Variants in HTR4 observed in about 807,000 individuals in gnomAD.
HTR4 encodes the protein 5-hydroxytryptamine receptor 4.
HTR4 carries 16 observed loss-of-function variants against 36.8 expected under a neutral mutation model. The ratio of observed to expected loss-of-function variants is 0.43; its 90% CI spans 0.29 to 0.66. The LOEUF is 0.66. HTR4 is among the 30% of genes least tolerant of loss of function. HTR4 has a pLI of 0.13. For synonymous variants in HTR4, 189 were observed against 185.1 expected, an observed-to-expected ratio of 1.02 and a Z score of -0.17; for missense variants, 438 against 490.9, an observed-to-expected ratio of 0.89 and a Z score of 1.02.
At chr5:148,489,226 C>T (rs1036429539) in intron 6 of HTR4, among the ~76,000 whole-genome samples, 1 of 152,202 alleles carries the variant, frequency 6.6e-6, no homozygotes, top group Non-Finnish European at 1.5e-5. Context: ...ATAAACTTCA[C>T]AATAATCCTA....
rs180672790 is a variant in HTR4, at chr5:148,533,772, T to C, written c.354-10426A>G. 2.0e-5 allele frequency among the ~76,000 whole-genome samples: 3 copies of C among 152,358 alleles called. No homozygotes were observed. The East Asian group carries it at 5.8e-4, about 29-fold the overall frequency. ...AGTTTCTTCATCTTTAAAGTTAGAA[T>C]AATTATGTCAACCTCCAATTATGCC... On this transcript the variant is annotated intron_variant, in intron 4 of 6. Coordinates refer to ENST00000377888, the MANE Select transcript of HTR4 (RefSeq NM_000870.7).
At chr5:148,577,891 G>T (rs548124135) in intron 2 of HTR4, among the ~76,000 whole-genome samples, 2 of 152,000 alleles carry the variant, frequency 1.3e-5, no homozygotes, top group African/African-American at 4.8e-5. Flanking sequence ...TCTGGGTGAT[G>T]AAATAATCTG....
intron 2 of HTR4, among the ~76,000 whole-genome samples, chr5:148,615,460 C>T (rs879898786): frequency 7.1e-6 from 1 of 140,872 alleles, no homozygotes; most frequent in African/African-American, 2.7e-5. Flanking sequence ...TATTCTCACT[C>T]ATAGGTGGGA....
chr5:148,538,896 C>A (rs1469355449), intron 4 of HTR4, among the ~76,000 whole-genome samples: 1 of 151,526 alleles, frequency 6.6e-6, no homozygotes. Context: ...AATATGGAAC[C>A]AAAAAAAAGC....
In HTR4 at chr5:148,483,183, T is replaced by C; in HGVS notation, c.*20A>G. On this transcript the variant is annotated 3_prime_UTR_variant, in exon 7 of 7. Transcript: ENST00000377888. ...CTCTTTCGGAGGCATGGCTGTCTTCTGGGTCATTGTCCCAGGGGCCTAAGT... is the reference window on the plus strand; with the variant it reads ...CTCTTTCGGAGGCATGGCTGTCTTCCGGGTCATTGTCCCAGGGGCCTAAGT... 3.1e-6 allele frequency: 5 copies of C among 1,613,944 alleles called. No individual in the cohort carries two copies. The highest frequency in any genetic ancestry group is 4.2e-6 in the Non-Finnish European group (5 of 1,179,878).
chr5:148,540,422 AT>A (rs1561606466), intron 4 of HTR4, among the ~76,000 whole-genome samples: 1 of 134,510 alleles, frequency 7.4e-6, no homozygotes, highest in East Asian at 2.1e-4. Flanking sequence ...ATATATATAT[AT>A]ATATATATAT....
chr5:148,592,825 ACTACC>A, intron 2 of HTR4, among the ~76,000 whole-genome samples: 1 of 152,206 alleles, frequency 6.6e-6, no homozygotes, highest in Non-Finnish European at 1.5e-5. Flanking sequence ...TTATCTCTGT[ACTACC>A]ACTTTGCTAA....
chr5:148,524,864 A>G (rs927157217), intron 4 of HTR4, among the ~76,000 whole-genome samples: 1 of 152,168 alleles, frequency 6.6e-6, no homozygotes, highest in Non-Finnish European at 1.5e-5. Flanking sequence ...AAGAGGTGGT[A>G]GTAGGATGGG....
At chr5:148,452,892 G>C (rs1207466464) in intron 5 of HTR4, among the ~76,000 whole-genome samples, 1 of 152,236 alleles carries the variant, frequency 6.6e-6, no homozygotes, top group African/African-American at 2.4e-5. Flanking sequence ...CAAGACCTTA[G>C]GGAAGCTAGA....
At chr5:148,564,244 C>T (rs897152271) in intron 2 of HTR4, among the ~76,000 whole-genome samples, 2 of 152,146 alleles carry the variant, frequency 1.3e-5, no homozygotes, top group Non-Finnish European at 2.9e-5. Context: ...AAACTCCTTC[C>T]TCTCCTTCCC....
intron 2 of HTR4, among the ~76,000 whole-genome samples, chr5:148,576,122 A>AAACAACAAC (rs1299038416): frequency 7.2e-6 from 1 of 138,788 alleles, no homozygotes; most frequent in African/African-American, 2.5e-5. Context: ...AAAAAAAAAA[A>AAACAACAAC]AAAAAAAAAA....
intron 2 of HTR4, among the ~76,000 whole-genome samples, chr5:148,555,014 T>A (rs1476928912): frequency 6.6e-6 from 1 of 151,790 alleles, no homozygotes; most frequent in African/African-American, 2.4e-5. Flanking sequence ...CACTAAATTA[T>A]ATGCTTAAAA....
intron 1 of HTR4, among the ~76,000 whole-genome samples, chr5:148,639,128 C>A (rs1753645913): frequency 6.6e-6 from 1 of 152,032 alleles, no homozygotes; most frequent in Admixed American, 6.6e-5. Flanking sequence ...CCTCTGGACC[C>A]AGCATCTGGG....
intron 2 of HTR4, among the ~76,000 whole-genome samples, chr5:148,559,477 A>G (rs549495551): frequency 3.3e-5 from 5 of 152,296 alleles, no homozygotes; most frequent in African/African-American, 7.2e-5. Flanking sequence ...ATCCATGAGT[A>G]TGTTGTTTTT....
rs199857988 is a variant in HTR4, at chr5:148,523,307, G to C, written c.393C>G (p.Asn131Lys). The change falls in exon 5 of 7, where the codon AAC becomes AAG. Residue 131 changes from asparagine (N) to lysine (K), a missense_variant. Transcript: ENST00000377888. Reference protein sequence around the residue: ...AICCQPLVYRNKMTPLRIALM... With the variant: ...AICCQPLVYRKKMTPLRIALM... ...ATGCGATGCGCAGAGGGGTCATCTT[G>C]TTCCTATAGACCAAAGGCTGGCAGC... 2.5e-6 allele frequency: 4 copies of C among 1,613,070 alleles called. No homozygotes were observed. Among genetic ancestry groups the C allele is most frequent in the Non-Finnish European group, 3.4e-6 (4 of 1,179,634 alleles).
At chr5:148,517,185 G>A (rs986280255) in intron 5 of HTR4, among the ~76,000 whole-genome samples, 10 of 151,972 alleles carry the variant, frequency 6.6e-5, no homozygotes, top group African/African-American at 2.4e-4. Context: ...TATGTTTTAA[G>A]GCATATTTGC....
intron 6 of HTR4, among the ~76,000 whole-genome samples, chr5:148,498,895 G>A (rs1756810141): frequency 6.6e-6 from 1 of 152,118 alleles, no homozygotes; most frequent in Admixed American, 6.5e-5. Flanking sequence ...GTATGAAAAT[G>A]CCTTCATTTG....
At chr5:148,498,510 G>C (rs1010164790) in intron 6 of HTR4, among the ~76,000 whole-genome samples, 3 of 152,218 alleles carry the variant, frequency 2.0e-5, no homozygotes, top group Admixed American at 2.0e-4. Flanking sequence ...CTGTTATACA[G>C]ATACTATGTT....
chr5:148,522,992 T>C (rs1291309246), intron 5 of HTR4, among the ~76,000 whole-genome samples: 1 of 152,020 alleles, frequency 6.6e-6, no homozygotes, highest in Non-Finnish European at 1.5e-5. Flanking sequence ...GGACAAGGAT[T>C]CAGAAAAGTC....
Sources: allele counts gnomAD v4.1 joint callset (sites outside exome capture counted in the v4.1 genomes callset), GRCh38; gene constraint gnomAD v4.1.1; transcripts MANE v1.5; gene names NCBI Gene and HGNC (gene_info 2026-07-23, HGNC 2026-07-21).